Variants in TBC1D8 observed in about 807,000 individuals in gnomAD.
TBC1D8 encodes the protein TBC1 domain family member 8, also known as BUB2-like protein 1.
In TBC1D8, 65 loss-of-function variants were observed where a neutral mutation model predicts 118.8. That is an observed-to-expected ratio of 0.55 (90% CI 0.45 to 0.67). TBC1D8 has a LOEUF of 0.67. TBC1D8 is among the 30% of genes least tolerant of loss of function. TBC1D8 has a pLI of 0.00. For synonymous variants in TBC1D8, 566 were observed against 595.8 expected (o/e 0.95, Z 0.73); for missense variants, 1,376 against 1,471.2 (o/e 0.94, Z 1.06).
At chr2:101,061,318 C>A (rs1432364221) in intron 2 of TBC1D8, among the ~76,000 whole-genome samples, 1 of 152,014 alleles carries the variant, frequency 6.6e-6, no homozygotes, top group Admixed American at 6.6e-5. Flanking sequence ...TGCCAGGGGA[C>A]CGGCTCTGGA....
chr2:101,061,591 C>G (rs986858928), intron 2 of TBC1D8, among the ~76,000 whole-genome samples: 1 of 152,194 alleles, frequency 6.6e-6, no homozygotes, highest in Admixed American at 6.5e-5. Context: ...TGCCTGAGGT[C>G]TCTATTCACA....
rs117801039 is a variant in TBC1D8 at position 101,079,597 on chromosome 2, A to G, written c.283+10612T>C. Among the ~76,000 whole-genome samples the G allele has an allele frequency of 2.3e-3, 347 of 149,698 alleles. 6 individuals carry two copies. In the East Asian group the frequency reaches 0.037, roughly 16 times the overall value. On this transcript the variant is annotated intron_variant, in intron 2 of 19. Transcript: ENST00000409318. ...TGCTATGCCACCCAAGTTGGTCTGA[A>G]ACTCTTGGCCTCAAGTGACCCTTCC...
chr2:101,074,040 C>G (rs1255485830), intron 2 of TBC1D8, among the ~76,000 whole-genome samples: 1 of 152,228 alleles, frequency 6.6e-6, no homozygotes, highest in Non-Finnish European at 1.5e-5. Context: ...CCCAAGAGGC[C>G]TAGCTTTCAG....
intron 17 of TBC1D8, chr2:101,017,858 G>C: frequency 6.4e-7 from 1 of 1,550,762 alleles, no homozygotes; most frequent in East Asian, 2.4e-5. Flanking sequence ...TTCCCAATTA[G>C]GTCTTCAAAA....
Position 101,054,346 on chromosome 2 carries a change from A to C in TBC1D8, c.403-10T>G. On this transcript the variant is annotated splice_polypyrimidine_tract_variant and intron_variant, in intron 3 of 19. Coordinates refer to ENST00000409318, the MANE Select transcript of TBC1D8 (RefSeq NM_001330348.2). ...CCTCGGCTATCAGAGCCTGACACAC[A>C]GAGATGACAGTCCCTGCTCAGTGAG... The C allele has an allele frequency of 6.4e-7, 1 of 1,554,480 alleles. No individual in the cohort carries two copies. The highest frequency in any genetic ancestry group is 8.7e-7 in the Non-Finnish European group (1 of 1,148,510).
rs377153420 is a variant in TBC1D8 at position 101,050,593 on chromosome 2, G to A, written c.680C>T (p.Ser227Phe). 5.6e-6 allele frequency: 9 copies of A among 1,613,934 alleles called. No individual in the cohort carries two copies. In the African/African-American group the frequency reaches 1.2e-4, roughly 22 times the overall value. The change falls in exon 5 of 20, where the codon TCC (serine) becomes TTC (phenylalanine). Residue 227 changes from serine to phenylalanine, a missense_variant. Physicochemically the swap from Ser to Phe is radical, Grantham distance 155 (BLOSUM62 -2). Transcript: ENST00000409318. ...GATGGTATCCGTCAGAAAGACATTG[G>A]ACGTTCTTTCTAATTTCTGGATATC... ...WVDIQKLERT[S>F]NVFLTDTIRI...
At chr2:101,032,614 C>T (rs1680738644) in intron 10 of TBC1D8, 1 of 474,322 alleles carries the variant, frequency 2.1e-6, no homozygotes, top group Admixed American at 3.4e-5. Context: ...CGGTCCCCAT[C>T]TAGCAATGTG....
intron 2 of TBC1D8, among the ~76,000 whole-genome samples, chr2:101,067,140 G>A (rs151077248): frequency 1.3e-4 from 20 of 152,238 alleles, no homozygotes; most frequent in Non-Finnish European, 2.5e-4. Context: ...GGCTGGCAGA[G>A]TGTTTACGAC....
chr2:101,028,621 G>T, intron 12 of TBC1D8, 189 bp from the exon 13 acceptor site: 1 of 762,112 alleles, frequency 1.3e-6, no homozygotes, highest in Non-Finnish European at 1.9e-6. Context: ...TGTGGATTGG[G>T]CTCCACAGGT....
At chr2:101,063,388 A>G (rs1454181129) in intron 2 of TBC1D8, among the ~76,000 whole-genome samples, 2 of 152,228 alleles carry the variant, frequency 1.3e-5, no homozygotes, top group African/African-American at 4.8e-5. Flanking sequence ...TAAACCACAC[A>G]TAAAAAAAAC....
chr2:101,031,723 A>G (rs947819149), intron 11 of TBC1D8, among the ~76,000 whole-genome samples: 4 of 152,168 alleles, frequency 2.6e-5, no homozygotes, highest in African/African-American at 7.2e-5. Context: ...AGCTTTCTTA[A>G]GATGTCCTTA....
At chr2:101,044,954 G>A (rs555121793) in intron 5 of TBC1D8, among the ~76,000 whole-genome samples, 1 of 152,054 alleles carries the variant, frequency 6.6e-6, no homozygotes, top group Non-Finnish European at 1.5e-5. Flanking sequence ...TCGCCATGTT[G>A]GCCAGGCTGG....
At position 101,119,309 on chromosome 2, in the gene TBC1D8, A is replaced by C. The variant is rs139870706; in HGVS notation, c.128-28945T>G. 1.8e-4 allele frequency among the ~76,000 whole-genome samples: 28 copies of C among 152,242 alleles called. No homozygotes were observed. In the East Asian group the frequency reaches 5.2e-3, roughly 28 times the overall value. On this transcript the variant is annotated intron_variant, in intron 1 of 19. Coordinates refer to ENST00000409318, the MANE Select transcript of TBC1D8 (RefSeq NM_001330348.2). ...AGCCCCCTCCAGCCAACAGGGGAAC[A>C]GTATCAGTGAGATACAAACCACCCT...
chr2:101,024,358 G>A (rs945901523), intron 15 of TBC1D8, among the ~76,000 whole-genome samples: 1 of 151,676 alleles, frequency 6.6e-6, no homozygotes, highest in African/African-American at 2.4e-5. Flanking sequence ...TGGGTGTGGA[G>A]TGTGGGGAAA....
chr2:101,057,521 T>C (rs990327372), intron 3 of TBC1D8, among the ~76,000 whole-genome samples: 15 of 152,216 alleles, frequency 9.9e-5, no homozygotes, highest in African/African-American at 3.1e-4. Context: ...ATGCATGCTT[T>C]TGTGTTCAAA....
chr2:101,127,589 G>T (rs1471342979), intron 1 of TBC1D8, among the ~76,000 whole-genome samples: 1 of 152,152 alleles, frequency 6.6e-6, no homozygotes, highest in Non-Finnish European at 1.5e-5. Context: ...CCAGGCTGGA[G>T]TGCAGCAGAA....
At chr2:101,044,574 C>T (rs974750927) in intron 5 of TBC1D8, among the ~76,000 whole-genome samples, 1 of 152,198 alleles carries the variant, frequency 6.6e-6, no homozygotes, top group Admixed American at 6.5e-5. Context: ...GATGACCTGA[C>T]ATTCAGAACG....
At chr2:101,021,155 A>C (rs1680007917) in intron 17 of TBC1D8, among the ~76,000 whole-genome samples, 1 of 152,030 alleles carries the variant, frequency 6.6e-6, no homozygotes, top group Non-Finnish European at 1.5e-5. Flanking sequence ...ATTCATCTCT[A>C]TTAGTTTTTA....
intron 1 of TBC1D8, among the ~76,000 whole-genome samples, chr2:101,100,766 C>G (rs1676773158): frequency 6.6e-6 from 1 of 152,090 alleles, no homozygotes; most frequent in African/African-American, 2.4e-5. Context: ...TTCAACAAAC[C>G]TGACAAAAAT....
Sources: allele counts gnomAD v4.1 joint callset (sites outside exome capture counted in the v4.1 genomes callset), GRCh38; gene constraint gnomAD v4.1.1; transcripts MANE v1.5; gene names NCBI Gene and HGNC (gene_info 2026-07-23, HGNC 2026-07-21).